SLC22A5: variants seen among roughly 807,000 people sequenced by gnomAD.
SLC22A5 encodes the protein organic cation/carnitine transporter 2.
A neutral mutation model predicts 56.7 loss-of-function variants in SLC22A5; 44 were observed. That is an observed-to-expected ratio of 0.78 (90% CI 0.61 to 1.00). The LOEUF (loss-of-function observed/expected upper bound fraction) is 1.00. SLC22A5 is among the 50% of genes least tolerant of loss of function. SLC22A5 has a pLI of 0.00. For missense variants in SLC22A5, 675 were observed against 723.0 expected, an observed-to-expected ratio of 0.93 and a Z score of 0.76; for synonymous variants, 278 against 292.1, an observed-to-expected ratio of 0.95 and a Z score of 0.49.
chr5:132,382,919 G>A (rs920683837), intron 2 of SLC22A5: 2 of 152,138 alleles, frequency 1.3e-5, no homozygotes, highest in African/African-American at 4.8e-5. Flanking sequence ...GACTCAAACT[G>A]AACCCACTGC....
At chr5:132,375,347 A>G (rs946910011) in intron 1 of SLC22A5, among the ~76,000 whole-genome samples, 1 of 152,206 alleles carries the variant, frequency 6.6e-6, no homozygotes, top group African/African-American at 2.4e-5. Context: ...GAGGCAGGAT[A>G]AAATGTGTGT....
rs1003478493 is a variant in SLC22A5, at chr5:132,369,971, G to T, written c.-2G>T. On this transcript the variant is annotated 5_prime_UTR_variant, in exon 1 of 10. Transcript: ENST00000245407. ...CGCGCTCTGTGGGCCTCTGAGGGCG[G>T]CATGCGGGACTACGACGAGGTGACC... 1 of 1,612,750 alleles carries T rather than the reference G, an allele frequency of 6.2e-7. No individual in the cohort carries two copies. Among genetic ancestry groups the T allele is most frequent in the Non-Finnish European group, 8.5e-7 (1 of 1,179,592 alleles).
Position 132,370,156 on chromosome 5 carries a change from T to C in SLC22A5, c.184T>C (p.Trp62Arg). The C allele has an allele frequency of 6.2e-7, 1 of 1,608,646 alleles. No homozygotes were observed. The highest frequency in any genetic ancestry group is 8.5e-7 in the Non-Finnish European group (1 of 1,177,964). The change falls in exon 1 of 10, where the codon TGG becomes CGG. Residue 62 changes from tryptophan (W) to arginine (R), a missense_variant. Trp to Arg is a moderately radical substitution (Grantham distance 101, BLOSUM62 -3). Coordinates refer to ENST00000245407, the MANE Select transcript of SLC22A5 (RefSeq NM_003060.4). ...GGACGCCGCGAACCTGAGCAGCGCC[T>C]GGCGCAACCACACTGTCCCACTGCG... Reference protein sequence around the residue: ...VPDAANLSSAWRNHTVPLRLR... With the variant: ...VPDAANLSSARRNHTVPLRLR...
At chr5:132,384,093 C>T in intron 2 of SLC22A5, 54 bp from the exon 3 acceptor site, 1 of 1,587,094 alleles carries the variant, frequency 6.3e-7, no homozygotes, top group South Asian at 1.1e-5. Context: ...TGGTGGAGCC[C>T]ATTCCTGCTG....
At chr5:132,390,174 G>C in intron 6 of SLC22A5, 1 of 207,742 alleles carries the variant, frequency 4.8e-6, no homozygotes, top group Non-Finnish European at 9.8e-6. Context: ...GGTGTCAGCT[G>C]TCTCTGACCA....
At chr5:132,378,586 T>C in intron 2 of SLC22A5, 105 bp downstream of exon 2, 1 of 866,496 alleles carries the variant, frequency 1.2e-6, no homozygotes, top group Admixed American at 1.7e-5. Context: ...CGCAGGGCCC[T>C]GTATTTTAAA....
In SLC22A5 at chr5:132,390,762, C is replaced by T. The variant is rs202219455; in HGVS notation, c.1125C>T (p.Asn375=). 594 of 1,614,240 alleles carry T rather than the reference C, an allele frequency of 3.7e-4. 8 individuals carry two copies. In the South Asian group the frequency reaches 6.2e-3, roughly 17 times the overall value. ...TPNLHGDIFV[N]CFLSAMVEVP... is the part of the protein sequence containing the mutation. ...ACTTGCATGGGGACATCTTTGTGAA[C>T]TGCTTCCTTTCAGCGATGGTTGAAG... Residue 375 remains asparagine, a synonymous_variant, in exon 7 of 10, where the codon AAC becomes AAT. Transcript: ENST00000245407.
rs573330330 is a variant in SLC22A5, at chr5:132,390,862, C to G, written c.1225C>G (p.Leu409Val). 3 of 1,614,232 alleles carry G rather than the reference C, an allele frequency of 1.9e-6. No individual in the cohort carries two copies. The South Asian group carries it at 3.3e-5, about 18-fold the overall frequency. ...CTATTCCATGGCCACTGCCCTCTTC[C>G]TGGGTGGCAGTGTCCTTCTCTTCAT... ...RRYSMATALF[L>V]GGSVLLFMQL... Residue 409 changes from leucine to valine, a missense_variant, in exon 7 of 10, where the codon CTG (leucine) becomes GTG (valine). Leu to Val is a conservative substitution (Grantham distance 32). Coordinates refer to ENST00000245407, the MANE Select transcript of SLC22A5 (RefSeq NM_003060.4).
intron 1 of SLC22A5, among the ~76,000 whole-genome samples, chr5:132,373,476 A>G (rs1752012787): frequency 1.3e-5 from 2 of 152,166 alleles, no homozygotes; most frequent in Non-Finnish European, 2.9e-5. Context: ...TCTCTACTAA[A>G]AATACAAAAA....
chr5:132,393,020 G>T (rs274550), intron 8 of SLC22A5, among the ~76,000 whole-genome samples: 109,881 of 152,002 alleles, frequency 0.72, 42,404 homozygotes, highest in East Asian at 0.89. Flanking sequence ...CTGATGAACG[G>T]AAAATTATTA....
chr5:132,385,278 G>A lies in SLC22A5; in HGVS notation c.653-50G>A, dbSNP rs561172023. ...CAAAGATACCATAAAAAATTAATAA[G>A]GAAGGAACCCAAATTAAACTGCTAA... On this transcript the variant is annotated intron_variant, in intron 3 of 9. Coordinates refer to ENST00000245407, the MANE Select transcript of SLC22A5 (RefSeq NM_003060.4). The A allele has an allele frequency of 5.2e-6, 8 of 1,528,038 alleles. No individual in the cohort carries two copies. The East Asian group carries it at 1.8e-4, about 34-fold the overall frequency. The allele number at this position is 1,528,038 out of a possible 1,614,324, so 94.7% of individuals were successfully genotyped here. A position where few individuals can be genotyped will look rare whatever the true frequency, so the allele number is the denominator to read the frequency against.
At chr5:132,383,988 A>G in intron 2 of SLC22A5, 159 bp from the exon 3 acceptor site, 1 of 732,854 alleles carries the variant, frequency 1.4e-6, no homozygotes, top group Non-Finnish European at 2.4e-6. Flanking sequence ...GAGAAATAGC[A>G]TGGGCACTGT....
At chr5:132,372,738 G>T (rs887753570) in intron 1 of SLC22A5, among the ~76,000 whole-genome samples, 4 of 152,144 alleles carry the variant, frequency 2.6e-5, no homozygotes, top group African/African-American at 9.7e-5. Context: ...GAAGTTCAGA[G>T]CTGCTTGTTC....
intron 1 of SLC22A5, among the ~76,000 whole-genome samples, chr5:132,375,229 CA>C (rs1487311068): frequency 6.6e-6 from 1 of 152,188 alleles, no homozygotes; most frequent in Non-Finnish European, 1.5e-5. Context: ...CTCTTCTATA[CA>C]GGGGGCACTG....
At chr5:132,378,679 A>G in intron 2 of SLC22A5, 198 bp downstream of exon 2, 1 of 603,644 alleles carries the variant, frequency 1.7e-6, no homozygotes, top group Non-Finnish European at 3.0e-6. Flanking sequence ...CTTGCTAAGT[A>G]AAGAAACCTG....
At chr5:132,386,541 T>C (rs1040144291) in intron 4 of SLC22A5, among the ~76,000 whole-genome samples, 1 of 152,170 alleles carries the variant, frequency 6.6e-6, no homozygotes, top group Non-Finnish European at 1.5e-5. Flanking sequence ...AAACATGCTA[T>C]TTTAGGTAGA....
At chr5:132,370,965 T>TTTTTTTTTTTG (rs35883519) in intron 1 of SLC22A5, among the ~76,000 whole-genome samples, 1 of 151,202 alleles carries the variant, frequency 6.6e-6, no homozygotes. Flanking sequence ...TTTTTTTTTT[T>TTTTTTTTTTTG]GAGACAGAGT....
chr5:132,378,125 C>T (rs1444958854), intron 1 of SLC22A5: 2 of 1,553,922 alleles, frequency 1.3e-6, no homozygotes, highest in Non-Finnish European at 1.7e-6. Flanking sequence ...GTGGACAGAA[C>T]ACTTACTCTC....
At position 132,387,038 on chromosome 5, in the gene SLC22A5, T is replaced by C; in HGVS notation, c.838T>C (p.Ser280Pro). The C allele has an allele frequency of 6.2e-7, 1 of 1,613,766 alleles. No homozygotes were observed. Among genetic ancestry groups the C allele is most frequent in the Non-Finnish European group, 8.5e-7 (1 of 1,179,904 alleles). ...CVALWWFIPE[S>P]PRWLISQGRF... is the part of the protein sequence containing the mutation. The stretch of plus-strand genomic sequence containing the variant: ...TTGTACTGCCAGGTTCATCCCTGAG[T>C]CCCCCCGATGGCTCATCTCTCAGGG... Residue 280 changes from serine (S) to proline (P), a missense_variant, in exon 5 of 10, where the codon TCC becomes CCC. By Grantham distance (74) the Ser-to-Pro change is moderately conservative. Coordinates refer to ENST00000245407, the MANE Select transcript of SLC22A5 (RefSeq NM_003060.4).
Sources: gnomAD v4.1 joint callset for allele counts (sites outside exome capture counted in the v4.1 genomes callset) on GRCh38, gnomAD v4.1.1 for gene constraint, MANE v1.5 for transcripts, NCBI Gene and HGNC (gene_info 2026-07-23, HGNC 2026-07-21) for gene names.